RHCG: variants seen among roughly 807,000 people sequenced by gnomAD.
RHCG encodes Rh family C glycoprotein, also known as ammonium transporter Rh type C.
A neutral mutation model predicts 55.3 loss-of-function variants in RHCG; 39 were observed. That is an observed-to-expected ratio of 0.70 (90% confidence interval 0.55 to 0.92). The LOEUF is 0.92. Among genes scored for constraint, RHCG ranks in the 40% least tolerant of loss-of-function variants. The probability of loss-of-function intolerance (pLI) is 0.00; values close to 1 mark genes in which losing one functional copy is unlikely to be tolerated. For missense variants in RHCG, 635 were observed against 627.9 expected (o/e 1.01, Z -0.12); for synonymous variants, 250 against 246.8 (o/e 1.01, Z -0.12).
chr15:89,472,317 CATCTG>C (rs1160518776), intron 10 of RHCG, among the ~76,000 whole-genome samples: 4 of 152,282 alleles, frequency 2.6e-5, no homozygotes, highest in African/African-American at 4.8e-5. Flanking sequence ...GGGTGGGTCT[CATCTG>C]AGCTGAGCAA....
At chr15:89,486,595 A>AGAGAGAGAGAGTGT in intron 2 of RHCG, 2 of 327,006 alleles carry the variant, frequency 6.1e-6, no homozygotes, top group South Asian at 4.5e-5. Context: ...AGAGAGAGAG[A>AGAGAGAGAGAGTGT]GAGAGTGTGT....
chr15:89,493,928 G>C (rs1055491356), intron 1 of RHCG, among the ~76,000 whole-genome samples: 1 of 152,056 alleles, frequency 6.6e-6, no homozygotes, highest in Admixed American at 6.5e-5. Context: ...ATGCACGTGC[G>C]GTTGGAGGGG....
chr15:89,495,944 C>A (rs897036953), intron 1 of RHCG, among the ~76,000 whole-genome samples: 2 of 152,204 alleles, frequency 1.3e-5, no homozygotes, highest in African/African-American at 4.8e-5. Context: ...GGCCTCCTGG[C>A]CCACCAGTGG....
chr15:89,484,736 C>G (rs547743358), intron 2 of RHCG, among the ~76,000 whole-genome samples: 4 of 147,870 alleles, frequency 2.7e-5, no homozygotes, highest in South Asian at 4.3e-4. Flanking sequence ...GCCAAGATCG[C>G]ACCACTGCAT....
intron 1 of RHCG, among the ~76,000 whole-genome samples, chr15:89,495,764 T>G (rs934486173): frequency 6.6e-6 from 1 of 152,236 alleles, no homozygotes; most frequent in African/African-American, 2.4e-5. Context: ...TTTAGGAAGG[T>G]TGGCATTTGC....
At position 89,477,917 on chromosome 15, in the gene RHCG, T is replaced by A. The variant is rs1567225146; in HGVS notation, c.895A>T (p.Met299Leu). The A allele has an allele frequency of 6.2e-7, 1 of 1,613,776 alleles. No homozygotes were observed. Among genetic ancestry groups the A allele is most frequent in the Non-Finnish European group, 8.5e-7 (1 of 1,179,862 alleles). ...AGGGCACCGTAAGGCATGAGCATCA[T>A]CTCAGCAGCGGTACCCACGGCCACC... ...GGVAVGTAAE[M>L]MLMPYGALII... is the part of the protein sequence containing the mutation. The change falls in exon 6 of 11, where the codon ATG becomes TTG. Residue 299 changes from methionine (M) to leucine (L), a missense_variant. Transcript: ENST00000268122. This position sits in a 1 kb window ranked among gnomAD's most constrained non-coding sequence, Gnocchi z 4.5.
At chr15:89,486,434 A>G in intron 2 of RHCG, 1 of 459,786 alleles carries the variant, frequency 2.2e-6, no homozygotes, top group Middle Eastern at 3.2e-4. Context: ...CTGCCCCCAG[A>G]GGAAAGTCTA....
intron 4 of RHCG, chr15:89,479,723 G>A: frequency 1.8e-6 from 1 of 541,830 alleles, no homozygotes; most frequent in Non-Finnish European, 3.3e-6. Context: ...CCATTTCTGG[G>A]CTAAATGCCC....
At position 89,486,599 on chromosome 15, in the gene RHCG, A is replaced by AGAGAGAGTGAGTGTGT; in HGVS notation, c.371+199_371+200insACACACTCACTCTCTC. 6.1e-5 allele frequency: 16 copies of AGAGAGAGTGAGTGTGT among 264,458 alleles called. No individual in the cohort carries two copies. In the Admixed American group the frequency reaches 6.7e-4, roughly 11 times the overall value. 16.4% of individuals were successfully genotyped at this position (264,458 alleles called of 1,614,324 possible). A position where few individuals can be genotyped will look rare whatever the true frequency, so the allele number is the denominator to read the frequency against. ...GAGAGAGAGAGAGAGAGAGAGAGAG[A>AGAGAGAGTGAGTGTGT]GTGTGTGTGTGTGTGTGTGTGTGTG... On this transcript the variant is annotated intron_variant, in intron 2 of 10. Transcript: ENST00000268122.
intron 1 of RHCG, among the ~76,000 whole-genome samples, chr15:89,494,408 C>T (rs893719): frequency 6.6e-6 from 1 of 152,102 alleles, no homozygotes; most frequent in Non-Finnish European, 1.5e-5. Flanking sequence ...AAATTACTAC[C>T]AGCACCACCT....
At chr15:89,482,433 G>C (rs1961284383) in intron 3 of RHCG, among the ~76,000 whole-genome samples, 1 of 152,184 alleles carries the variant, frequency 6.6e-6, no homozygotes, top group South Asian at 2.1e-4. Flanking sequence ...TGCCAAGGAG[G>C]GGGAGTTCCA....
At position 89,477,695 on chromosome 15, in the gene RHCG, T is replaced by G; in HGVS notation, c.976-42A>C. ...GGTGCTGCTCAGGCCGGGGGCTGCA[T>G]CAAGGGTGTGGGGAGGCCGGGATTC... On this transcript the variant is annotated intron_variant, in intron 6 of 10. Coordinates refer to ENST00000268122, the MANE Select transcript of RHCG (RefSeq NM_016321.3). This position sits in a 1 kb window ranked among gnomAD's most constrained non-coding sequence, Gnocchi z 4.5. The G allele has an allele frequency of 6.2e-7, 1 of 1,610,942 alleles. No individual in the cohort carries two copies. The highest frequency in any genetic ancestry group is 1.7e-5 in the Admixed American group (1 of 59,938).
chr15:89,484,490 G>A (rs9920837), intron 2 of RHCG, among the ~76,000 whole-genome samples: 3,062 of 152,080 alleles, frequency 0.02, 64 homozygotes, highest in African/African-American at 0.046. Context: ...TTAGAAAGGA[G>A]AGAGAGAGAG....
chr15:89,484,332 G>A (rs919379585), intron 2 of RHCG, among the ~76,000 whole-genome samples: 3 of 152,186 alleles, frequency 2.0e-5, no homozygotes, highest in Non-Finnish European at 4.4e-5. Context: ...TACTGTATAT[G>A]CCCTCCTGTG....
intron 10 of RHCG, among the ~76,000 whole-genome samples, chr15:89,472,280 T>C (rs141416505): frequency 6.6e-6 from 1 of 152,100 alleles, no homozygotes; most frequent in Admixed American, 6.5e-5. Flanking sequence ...GGAGGCACAG[T>C]GTTAGTTGAC....
intron 9 of RHCG, among the ~76,000 whole-genome samples, chr15:89,475,537 C>T (rs941323530): frequency 2.0e-5 from 3 of 152,280 alleles, no homozygotes; most frequent in Middle Eastern, 3.4e-3. Flanking sequence ...TGAGCCACTG[C>T]GCCCAGTCCA....
At chr15:89,472,303 G>A (rs542715363) in intron 10 of RHCG, among the ~76,000 whole-genome samples, 55 of 152,312 alleles carry the variant, frequency 3.6e-4, no homozygotes, top group Non-Finnish European at 7.1e-4. Context: ...AAAGAAAGAG[G>A]GGAGGGTGGG....
At position 89,479,467 on chromosome 15, in the gene RHCG, T is replaced by A; in HGVS notation, c.692A>T (p.Tyr231Phe). ...AMIGTLFLWM[Y>F]WPSFNSAISY... ...TATGGCTGAGTTGAAGCTGGGCCAG[T>A]ACATCCACAGGAAGAGGGTGCCTGG... The change falls in exon 5 of 11, where the codon TAC becomes TTC. Residue 231 changes from tyrosine to phenylalanine, a missense_variant. Physicochemically the swap from Tyr to Phe is conservative, Grantham distance 22. Coordinates refer to ENST00000268122, the MANE Select transcript of RHCG (RefSeq NM_016321.3). The A allele has an allele frequency of 6.2e-7, 1 of 1,613,190 alleles. No homozygotes were observed. The highest frequency in any genetic ancestry group is 8.5e-7 in the Non-Finnish European group (1 of 1,179,640).
chr15:89,484,101 A>G (rs1169197706), intron 2 of RHCG, among the ~76,000 whole-genome samples: 1 of 152,040 alleles, frequency 6.6e-6, no homozygotes, highest in African/African-American at 2.4e-5. Context: ...GGGGTCTGTC[A>G]CATCTAGAAA....
Sources: gnomAD v4.1 joint callset for allele counts (sites outside exome capture counted in the v4.1 genomes callset) on GRCh38, gnomAD v4.1.1 for gene constraint, Gnocchi (gnomAD v3.1) non-coding constraint, MANE v1.5 for transcripts, NCBI Gene and HGNC (gene_info 2026-07-23, HGNC 2026-07-21) for gene names.